The following EYA2 variants were observed in gnomAD, a reference collection of about 807,000 sequenced individuals.
EYA2 encodes EYA transcriptional coactivator and phosphatase 2.
A neutral mutation model predicts 69.2 loss-of-function variants in EYA2; 31 were observed. That is an observed-to-expected ratio of 0.45 (90% CI 0.34 to 0.60). EYA2 has a LOEUF of 0.60. Among genes scored for constraint, EYA2 ranks in the 20% least tolerant of loss-of-function variants. The pLI, the probability that EYA2 is intolerant of heterozygous loss-of-function variation, is 0.02. For synonymous variants in EYA2, 257 were observed against 279.4 expected (o/e 0.92, Z 0.80); for missense variants, 622 against 701.2 (o/e 0.89, Z 1.28).
At chr20:47,142,695 T>C (rs1309248837) in intron 9 of EYA2, among the ~76,000 whole-genome samples, 3 of 152,176 alleles carry the variant, frequency 2.0e-5, no homozygotes, top group Non-Finnish European at 2.9e-5. Context: ...AAAACAAAAA[T>C]GTGTTGGGGG....
chr20:47,121,379 C>T (rs1025679910), intron 9 of EYA2, among the ~76,000 whole-genome samples: 18 of 152,328 alleles, frequency 1.2e-4, no homozygotes, highest in Admixed American at 7.8e-4. Context: ...ACGCATGAGC[C>T]ACCGTGCCCC....
chr20:46,895,382 C>CA (rs922949981), intron 1 of EYA2, among the ~76,000 whole-genome samples: 2 of 152,252 alleles, frequency 1.3e-5, no homozygotes, highest in African/African-American at 4.8e-5. Context: ...CCCCAGTCCG[C>CA]AAACTCAAGC....
chr20:47,026,622 T>C (rs1304573337), intron 5 of EYA2, among the ~76,000 whole-genome samples: 1 of 152,256 alleles, frequency 6.6e-6, no homozygotes, highest in Non-Finnish European at 1.5e-5. Flanking sequence ...GGATTGAACC[T>C]GCTCCAGGAT....
At chr20:47,025,531 T>C (rs1365410896) in intron 5 of EYA2, among the ~76,000 whole-genome samples, 1 of 152,242 alleles carries the variant, frequency 6.6e-6, no homozygotes, top group Non-Finnish European at 1.5e-5. Context: ...TGCCTATTAT[T>C]GCATTGAATG....
chr20:47,035,330 A>G lies in EYA2; in HGVS notation c.415+19033A>G, dbSNP rs115209905. ...AGTGAGGCAGCAAGAGGCCAATGCC[A>G]GCAAAGGTCAGGGCTCCCTCTTTAA... On this transcript the variant is annotated intron_variant, in intron 5 of 15. Transcript: ENST00000327619. 5.0e-3 allele frequency among the ~76,000 whole-genome samples: 763 copies of G among 152,348 alleles called. 6 individuals are homozygous for G. The highest frequency in any genetic ancestry group is 0.018 in the African/African-American group (734 of 41,570).
intron 7 of EYA2, among the ~76,000 whole-genome samples, chr20:47,083,112 G>T (rs1473258717): frequency 3.9e-5 from 6 of 152,156 alleles, no homozygotes; most frequent in African/African-American, 1.4e-4. Flanking sequence ...AATTGCTTCA[G>T]CCAGGGGTTT....
intron 9 of EYA2, among the ~76,000 whole-genome samples, chr20:47,109,158 A>T (rs2032678197): frequency 6.6e-6 from 1 of 152,162 alleles, no homozygotes; most frequent in Non-Finnish European, 1.5e-5. Context: ...TCTCCCCCTG[A>T]AGAGACCTGA....
chr20:47,119,421 G>A (rs139807468), intron 9 of EYA2, among the ~76,000 whole-genome samples: 280 of 152,264 alleles, frequency 1.8e-3, no homozygotes, highest in African/African-American at 6.3e-3. Flanking sequence ...ATGCAGTCTC[G>A]GAGTGGAAAT....
chr20:47,070,933 C>G (rs2031291177), intron 5 of EYA2, among the ~76,000 whole-genome samples: 1 of 152,142 alleles, frequency 6.6e-6, no homozygotes, highest in East Asian at 1.9e-4. Context: ...ACTGCAGCCT[C>G]AAACTCCTAG....
At chr20:47,131,769 C>A (rs1466153660) in intron 9 of EYA2, among the ~76,000 whole-genome samples, 1 of 152,172 alleles carries the variant, frequency 6.6e-6, no homozygotes, top group Admixed American at 6.5e-5. Flanking sequence ...CCTGCAGACA[C>A]CTCTCATCTC....
intron 7 of EYA2, among the ~76,000 whole-genome samples, chr20:47,085,941 C>T (rs897732453): frequency 4.6e-5 from 7 of 152,106 alleles, no homozygotes; most frequent in South Asian, 2.1e-4. Flanking sequence ...TGTGTACATA[C>T]GTCAAAACTT....
chr20:47,123,336 C>T (rs1026982843), intron 9 of EYA2, among the ~76,000 whole-genome samples: 5 of 152,204 alleles, frequency 3.3e-5, no homozygotes, highest in African/African-American at 1.2e-4. Context: ...CTATTTGAAA[C>T]TATATATTAT....
At chr20:47,036,943 T>C (rs1396295169) in intron 5 of EYA2, among the ~76,000 whole-genome samples, 1 of 152,208 alleles carries the variant, frequency 6.6e-6, no homozygotes, top group Non-Finnish European at 1.5e-5. Flanking sequence ...GTTTTCACAC[T>C]GCTATAAATA....
At chr20:46,973,385 A>C (rs1422304972) in intron 1 of EYA2, among the ~76,000 whole-genome samples, 1 of 152,240 alleles carries the variant, frequency 6.6e-6, no homozygotes, top group Non-Finnish European at 1.5e-5. Context: ...ACAATAAGCA[A>C]ATCTACTGTG....
chr20:46,951,692 G>A (rs1398104408), intron 1 of EYA2, among the ~76,000 whole-genome samples: 6 of 152,186 alleles, frequency 3.9e-5, no homozygotes, highest in Admixed American at 3.9e-4. Flanking sequence ...AACCTGCTGT[G>A]GGACCTTATA....
chr20:47,167,427 T>C (rs148349209), intron 10 of EYA2, among the ~76,000 whole-genome samples: 3,738 of 151,816 alleles, frequency 0.025, 71 homozygotes, highest in Non-Finnish European at 0.04. Flanking sequence ...GGACCACAGA[T>C]GTGCACCACC....
chr20:47,044,054 T>C (rs1232185676), intron 5 of EYA2, among the ~76,000 whole-genome samples: 1 of 152,228 alleles, frequency 6.6e-6, no homozygotes, highest in African/African-American at 2.4e-5. Flanking sequence ...TCATAGGGCA[T>C]GCTGGTATGG....
chr20:46,925,606 A>AAG (rs1985380774), intron 1 of EYA2, among the ~76,000 whole-genome samples: 1 of 152,234 alleles, frequency 6.6e-6, no homozygotes, highest in South Asian at 2.1e-4. Flanking sequence ...TCACTTAAAA[A>AAG]AGAGATATGC....
At chr20:47,160,418 T>A (rs1026703242) in intron 10 of EYA2, among the ~76,000 whole-genome samples, 1 of 152,148 alleles carries the variant, frequency 6.6e-6, no homozygotes, top group African/African-American at 2.4e-5. Flanking sequence ...ACAGGCCAGA[T>A]TTGGCCCCTG....
Sources: allele counts gnomAD v4.1 joint callset (sites outside exome capture counted in the v4.1 genomes callset), GRCh38; gene constraint gnomAD v4.1.1; transcripts MANE v1.5; gene names NCBI Gene and HGNC (gene_info 2026-07-23, HGNC 2026-07-21).